Variants in CTDSP2 observed in about 807,000 individuals in gnomAD.
CTDSP2 encodes the protein CTD small phosphatase 2, also known as carboxy-terminal domain RNA polymerase II polypeptide A small phosphatase 2.
Under a neutral mutation model 31.6 loss-of-function variants are expected in CTDSP2, and 9 were observed. That is an observed-to-expected ratio of 0.28 (90% CI 0.17 to 0.50). The LOEUF (loss-of-function observed/expected upper bound fraction) is 0.50, where lower values mean the gene tolerates loss of function less well. Among genes scored for constraint, CTDSP2 ranks in the 20% least tolerant of loss-of-function variants. The pLI, the probability that CTDSP2 is intolerant of heterozygous loss-of-function variation, is 0.98. For synonymous variants in CTDSP2, 134 were observed against 134.5 expected, an observed-to-expected ratio of 1.00 and a Z score of 0.03; for missense variants, 267 against 348.5, an observed-to-expected ratio of 0.77 and a Z score of 1.86.
intron 5 of CTDSP2, 151 bp downstream of exon 5, chr12:57,826,195 A>G (rs1433573543): frequency 5.7e-6 from 3 of 528,258 alleles, no homozygotes; most frequent in Non-Finnish European, 9.9e-6. Context: ...CTTGAGTGAA[A>G]GATACCAATA....
intron 2 of CTDSP2, 31 bp downstream of exon 2, chr12:57,829,417 T>A (rs751445578): frequency 1.2e-6 from 2 of 1,607,282 alleles, no homozygotes; most frequent in Non-Finnish European, 8.5e-7. Flanking sequence ...GTCCCTTCAT[T>A]GCTGGCATCT....
At chr12:57,846,290 G>A (rs1956315734) in intron 1 of CTDSP2, 82 bp downstream of exon 1, 6 of 1,347,764 alleles carry the variant, frequency 4.5e-6, no homozygotes, top group Non-Finnish European at 5.2e-6. Context: ...GGAGGTCAAG[G>A]GCCGAGACCT....
intron 2 of CTDSP2, among the ~76,000 whole-genome samples, chr12:57,828,062 CA>C (rs1413402339): frequency 6.6e-6 from 1 of 152,082 alleles, no homozygotes; most frequent in African/African-American, 2.4e-5. Context: ...TGTAGGTACC[CA>C]AAATGTGAGG....
rs892030083 is a variant in CTDSP2 at position 57,824,406 on chromosome 12, AG to A, written c.412-88del. The A allele has an allele frequency of 6.9e-6, 7 of 1,012,544 alleles. No homozygotes were observed. The Admixed American group carries it at 1.1e-4, about 16-fold the overall frequency. 62.7% of individuals were successfully genotyped at this position (1,012,544 alleles called of 1,614,324 possible). Reference sequence around the variant, plus strand: ...TACCTTCACCAGTTACACAGCAGCAAGGAGCTCTCAACCCCTGCAGCCCAGC... The same window carrying A: ...TACCTTCACCAGTTACACAGCAGCAAGAGCTCTCAACCCCTGCAGCCCAGC... On this transcript the variant is annotated intron_variant, in intron 5 of 7. Transcript: ENST00000398073.
intron 1 of CTDSP2, among the ~76,000 whole-genome samples, chr12:57,840,742 G>A (rs539431264): frequency 6.6e-6 from 1 of 151,112 alleles, no homozygotes; most frequent in South Asian, 2.1e-4. Context: ...GAGAGTAAGA[G>A]CAAAGTCTGA....
Position 57,823,649 on chromosome 12 carries a change from C to G in CTDSP2, c.769G>C (p.Gly257Arg), listed in dbSNP as rs181892334. 3.7e-6 allele frequency: 6 copies of G among 1,614,002 alleles called. No individual in the cohort carries two copies. The South Asian group carries it at 4.4e-5, about 12-fold the overall frequency. Residue 257 changes from glycine (G) to arginine (R), a missense_variant, in exon 8 of 8, where the codon GGA becomes CGA. By Grantham distance (125) the Gly-to-Arg change is moderately radical. Coordinates refer to ENST00000398073, the MANE Select transcript of CTDSP2 (RefSeq NM_005730.4). ...AGGCTGGTGTAGACGTCCTCTGCTC[C>G]GCTCAGCTCCTCAAAGATTGGGATC... The part of the protein sequence containing the change: ...NLIPIFEELS[G>R]AEDVYTSLGQ...
intron 1 of CTDSP2, chr12:57,842,191 A>T (rs1296876240): frequency 6.6e-6 from 1 of 152,222 alleles, no homozygotes; most frequent in Non-Finnish European, 1.5e-5. Flanking sequence ...CATACACACA[A>T]TCCCATATAT....
intron 3 of CTDSP2, 107 bp downstream of exon 3, chr12:57,827,445 A>G: frequency 8.3e-7 from 1 of 1,210,564 alleles, no homozygotes; most frequent in Non-Finnish European, 1.2e-6. Flanking sequence ...CAGGTCAGGG[A>G]GGTGGCTGGC....
intron 2 of CTDSP2, among the ~76,000 whole-genome samples, chr12:57,828,138 C>T (rs548886272): frequency 2.2e-4 from 33 of 152,112 alleles, no homozygotes; most frequent in African/African-American, 6.0e-4. Context: ...ATGTTATGAC[C>T]GCCGGGCGCA....
At chr12:57,824,728 C>T (rs779685213) in intron 5 of CTDSP2, 3 of 529,500 alleles carry the variant, frequency 5.7e-6, no homozygotes, top group Non-Finnish European at 7.7e-6. Flanking sequence ...TCCGACAGGA[C>T]AGTCTGTCCA....
Position 57,829,392 on chromosome 12 carries a change from G to C in CTDSP2, c.213+56C>G, listed in dbSNP as rs953570417. The C allele has an allele frequency of 3.8e-6, 6 of 1,578,278 alleles. No homozygotes were observed. In the South Asian group the frequency reaches 5.6e-5, roughly 15 times the overall value. On this transcript the variant is annotated intron_variant, in intron 2 of 7. Coordinates refer to ENST00000398073, the MANE Select transcript of CTDSP2 (RefSeq NM_005730.4). ...TTGTCCGGTTGCCATCGTCTGCAGGGATCTCCCATTAACAGTCCCTTCATT... is the reference window on the plus strand; with the variant it reads ...TTGTCCGGTTGCCATCGTCTGCAGGCATCTCCCATTAACAGTCCCTTCATT...
rs945479383 is a variant in CTDSP2 at position 57,820,771 on chromosome 12, C to T, written c.*2831G>A. The T allele has an allele frequency of 3.3e-5, 5 of 152,336 alleles. No homozygotes were observed. Among genetic ancestry groups the T allele is most frequent in the African/African-American group, 9.7e-5 (4 of 41,442 alleles). 9.4% of individuals were successfully genotyped at this position (152,336 alleles called of 1,614,324 possible). ...CAATGTGCAGAGTGGAAACCCTTAC[C>T]TGACCCTTTTCCAAACTGGTCCTGT... On this transcript the variant is annotated 3_prime_UTR_variant, in exon 8 of 8. Coordinates refer to ENST00000398073, the MANE Select transcript of CTDSP2 (RefSeq NM_005730.4).
rs1649267016 is a variant in CTDSP2 at position 57,819,934 on chromosome 12, A to G, written c.*3668T>C. 1 of 152,680 alleles carries G rather than the reference A, an allele frequency of 6.5e-6. No homozygotes were observed. The highest frequency in any genetic ancestry group is 2.4e-5 in the African/African-American group (1 of 41,474). 9.5% of individuals were successfully genotyped at this position (152,680 alleles called of 1,614,324 possible). The stretch of plus-strand genomic sequence containing the variant: ...GGTTGGTGGCAGCTCACATTCCTGG[A>G]AAGGTTTTTTAAACCCACTTTTATT... On this transcript the variant is annotated 3_prime_UTR_variant, in exon 8 of 8. Transcript: ENST00000398073.
intron 1 of CTDSP2, among the ~76,000 whole-genome samples, chr12:57,841,747 C>T (rs1469579712): frequency 6.6e-6 from 1 of 152,212 alleles, no homozygotes. Context: ...CACAAGACTA[C>T]GTGCTGTTTA....
At position 57,826,467 on chromosome 12, in the gene CTDSP2, C is replaced by T. The variant is rs1956183880; in HGVS notation, c.355-65G>A. 9 of 1,480,306 alleles carry T rather than the reference C, an allele frequency of 6.1e-6. No homozygotes were observed. In the East Asian group the frequency reaches 2.0e-4, roughly 34 times the overall value. 91.7% of individuals were successfully genotyped at this position (1,480,306 alleles called of 1,614,324 possible). A position where few individuals can be genotyped will look rare whatever the true frequency, so the allele number is the denominator to read the frequency against. Reference sequence around the variant, plus strand: ...AAGAAACATGAGGCCCCCACCATACCCCTAGGTGGGTGGGGAGAAACAGGT... The same window carrying T: ...AAGAAACATGAGGCCCCCACCATACTCCTAGGTGGGTGGGGAGAAACAGGT... On this transcript the variant is annotated intron_variant, in intron 4 of 7. Transcript: ENST00000398073.
intron 1 of CTDSP2, among the ~76,000 whole-genome samples, chr12:57,829,967 C>T (rs1199183478): frequency 6.6e-6 from 1 of 152,136 alleles, no homozygotes; most frequent in Non-Finnish European, 1.5e-5. Flanking sequence ...CCAGGAAGAC[C>T]ATCGGTTCCA....
At chr12:57,844,347 A>G (rs541216690) in intron 1 of CTDSP2, among the ~76,000 whole-genome samples, 1 of 152,170 alleles carries the variant, frequency 6.6e-6, no homozygotes, top group African/African-American at 2.4e-5. Flanking sequence ...GCTGTTATCT[A>G]TTCTGTAGCC....
chr12:57,836,349 G>A (rs1269329631), intron 1 of CTDSP2, among the ~76,000 whole-genome samples: 1 of 152,214 alleles, frequency 6.6e-6, no homozygotes, highest in African/African-American at 2.4e-5. Context: ...AGAAGTACCA[G>A]GTAAGGACAC....
Position 57,827,552 on chromosome 12 carries a change from C to G in CTDSP2, c.252G>C (p.Gln84His). Residue 84 changes from glutamine to histidine, a missense_variant and splice_region_variant, in exon 3 of 8, where the codon CAG becomes CAC. Around this residue, in one of 2 missense-constraint regions of CTDSP2, gnomAD observed 111 missense variants for 107.1 expected, o/e 1.04. Transcript: ENST00000398073. ...TACTTACCAGGCCAGAGTCACGTACCTGGTAGAACTGGTACTGGAGACACT... is the reference window on the plus strand; with the variant it reads ...TACTTACCAGGCCAGAGTCACGTACGTGGTAGAACTGGTACTGGAGACACT... ...LLQCLQYQFY[Q>H]IPGTCLLPEV... The G allele has an allele frequency of 6.2e-7, 1 of 1,614,052 alleles. No individual in the cohort carries two copies. Among genetic ancestry groups the G allele is most frequent in the Non-Finnish European group, 8.5e-7 (1 of 1,179,978 alleles).
Sources: allele counts gnomAD v4.1 joint callset (sites outside exome capture counted in the v4.1 genomes callset), GRCh38; gene constraint gnomAD v4.1.1; regional missense constraint gnomAD v4.1.1; transcripts MANE v1.5; gene names NCBI Gene and HGNC (gene_info 2026-07-23, HGNC 2026-07-21).